The following HSD17B4 variants were observed in gnomAD, a reference collection of about 807,000 sequenced individuals.
The protein encoded by HSD17B4 is hydroxysteroid 17-beta dehydrogenase 4, also known as peroxisomal multifunctional enzyme type 2.
A neutral mutation model predicts 101.0 loss-of-function variants in HSD17B4; 70 were observed. That is an observed-to-expected ratio of 0.69 (90% confidence interval 0.57 to 0.85). HSD17B4 has a LOEUF of 0.85. HSD17B4 is among the 40% of genes least tolerant of loss of function. The pLI, the probability that HSD17B4 is intolerant of heterozygous loss-of-function variation, is 0.00. For synonymous variants in HSD17B4, 347 were observed against 297.1 expected (o/e 1.17, Z -1.73); for missense variants, 984 against 892.4 (o/e 1.10, Z -1.31).
intron 2 of HSD17B4, among the ~76,000 whole-genome samples, chr5:119,472,029 G>C (rs1362870316): frequency 6.6e-6 from 1 of 152,148 alleles, no homozygotes; most frequent in African/African-American, 2.4e-5. Flanking sequence ...TGGATATAGG[G>C]AGATGTTTTA....
At chr5:119,541,841 A>T (rs1755017416) in intron 23 of HSD17B4, 64 bp from the exon 24 acceptor site, 2 of 1,040,338 alleles carry the variant, frequency 1.9e-6, no homozygotes, top group Admixed American at 3.8e-5. Flanking sequence ...TCTTAAAAAA[A>T]AAAAAAAGAA....
rs754255447 is a variant in HSD17B4 at position 119,477,469 on chromosome 5, A to G, written c.402A>G (p.Ala134=). ...GTTCATTCCAAGTGACACGGGCAGC[A>G]TGGGAACACATGAAGAAACAGAAGT... ...LRGSFQVTRA[A]WEHMKKQKYG... is the part of the protein sequence containing the mutation. Residue 134 remains alanine, a synonymous_variant, in exon 7 of 24, where the codon GCA becomes GCG. Coordinates refer to ENST00000510025, the MANE Select transcript of HSD17B4 (RefSeq NM_000414.4). The G allele has an allele frequency of 1.9e-6, 3 of 1,613,010 alleles. No homozygotes were observed. Among genetic ancestry groups the G allele is most frequent in the South Asian group, 1.1e-5 (1 of 91,070 alleles).
chr5:119,530,103 A>G, intron 21 of HSD17B4, 123 bp downstream of exon 21: 1 of 715,080 alleles, frequency 1.4e-6, no homozygotes, highest in South Asian at 1.5e-5. Context: ...TAATTCTTGA[A>G]GTGAAAAACA....
rs777276125 is a variant in HSD17B4, at chr5:119,477,422, A to T, written c.355A>T (p.Ile119Phe). The T allele has an allele frequency of 1.2e-6, 2 of 1,603,570 alleles. No homozygotes were observed. Among genetic ancestry groups the T allele is most frequent in the South Asian group, 1.1e-5 (1 of 90,870 alleles). The change falls in exon 7 of 24, where the codon ATC becomes TTC. Residue 119 changes from isoleucine (I) to phenylalanine (F), a missense_variant. Ile to Phe is a conservative substitution (Grantham distance 21). Transcript: ENST00000510025. ...AAAATAATTTATTGTTTTAGATATAATCCACAGAGTTCATTTGCGGGGTTC... is the reference window on the plus strand; with the variant it reads ...AAAATAATTTATTGTTTTAGATATATTCCACAGAGTTCATTTGCGGGGTTC... The part of the protein sequence containing the change: ...ARISDEDWDI[I>F]HRVHLRGSFQ...
intron 23 of HSD17B4, among the ~76,000 whole-genome samples, chr5:119,538,876 T>G (rs1312672982): frequency 6.6e-6 from 1 of 152,204 alleles, no homozygotes; most frequent in Non-Finnish European, 1.5e-5. Flanking sequence ...CAGGCTTTAA[T>G]TATTTGTTTA....
chr5:119,502,911 T>C (rs1485893878), intron 14 of HSD17B4, among the ~76,000 whole-genome samples: 1 of 152,192 alleles, frequency 6.6e-6, no homozygotes, highest in African/African-American at 2.4e-5. Flanking sequence ...TTTGTGGTGA[T>C]TGTGCATTGA....
chr5:119,514,777 T>G (rs528140088), intron 16 of HSD17B4, among the ~76,000 whole-genome samples: 17 of 152,298 alleles, frequency 1.1e-4, no homozygotes, highest in Non-Finnish European at 2.1e-4. Flanking sequence ...AAAGGTCATT[T>G]CAGGCAAATC....
intron 2 of HSD17B4, among the ~76,000 whole-genome samples, chr5:119,460,139 T>C (rs1456500502): frequency 1.3e-5 from 2 of 150,838 alleles, no homozygotes; most frequent in African/African-American, 2.4e-5. Flanking sequence ...CCTCCCAAAG[T>C]GCAGGGATTA....
intron 2 of HSD17B4, among the ~76,000 whole-genome samples, chr5:119,463,710 C>T (rs957578351): frequency 8.8e-5 from 11 of 125,472 alleles, no homozygotes; most frequent in Non-Finnish European, 1.3e-4. Context: ...CTCCGTTGCC[C>T]AGGCTAGAGT....
intron 4 of HSD17B4, 125 bp from the exon 5 acceptor site, chr5:119,475,581 C>CT (rs1748503607): frequency 1.3e-6 from 1 of 756,988 alleles, no homozygotes; most frequent in East Asian, 2.6e-5. Context: ...TGAAAGCACT[C>CT]TTTACCTATT....
rs564365106 is a variant in HSD17B4, at chr5:119,460,815, T to C, written c.112+4447T>C. On this transcript the variant is annotated intron_variant, in intron 2 of 23. Transcript: ENST00000510025. Reference sequence around the variant, plus strand: ...GATGTAGGTGCTGTGGAGAAAAAAATGAGTGAATGGAACAGAAAATGCTTT... The same window carrying C: ...GATGTAGGTGCTGTGGAGAAAAAAACGAGTGAATGGAACAGAAAATGCTTT... 4.0e-5 allele frequency among the ~76,000 whole-genome samples: 6 copies of C among 150,518 alleles called. No homozygotes were observed. The East Asian group carries it at 1.2e-3, about 29-fold the overall frequency.
chr5:119,492,947 G>T (rs1326161172), intron 10 of HSD17B4: 1 of 152,102 alleles, frequency 6.6e-6, no homozygotes, highest in Non-Finnish European at 1.5e-5. Flanking sequence ...GGGCATTGCT[G>T]TAGTAGTATA....
chr5:119,483,322 T>G (rs955902217), intron 8 of HSD17B4, among the ~76,000 whole-genome samples: 1 of 152,156 alleles, frequency 6.6e-6, no homozygotes, highest in Non-Finnish European at 1.5e-5. Context: ...GTCTCCAGTT[T>G]TCCTGATGGT....
chr5:119,517,919 T>C (rs531710097), intron 17 of HSD17B4, among the ~76,000 whole-genome samples: 7 of 152,254 alleles, frequency 4.6e-5, no homozygotes, highest in African/African-American at 1.7e-4. Context: ...TTTGTGTTGA[T>C]ACTCTGTATC....
chr5:119,475,652 A>G, intron 4 of HSD17B4, 54 bp from the exon 5 acceptor site: 1 of 1,408,630 alleles, frequency 7.1e-7, no homozygotes, highest in South Asian at 1.2e-5. Flanking sequence ...TTGTAAGCAA[A>G]TGCAAACTAA....
chr5:119,471,236 C>G (rs1408413367), intron 2 of HSD17B4, among the ~76,000 whole-genome samples: 1 of 152,056 alleles, frequency 6.6e-6, no homozygotes, highest in Non-Finnish European at 1.5e-5. Context: ...AGAATTCAGT[C>G]TTTTGAGAAT....
At chr5:119,458,299 A>G (rs1032869669) in intron 2 of HSD17B4, among the ~76,000 whole-genome samples, 10 of 151,386 alleles carry the variant, frequency 6.6e-5, no homozygotes, top group Non-Finnish European at 1.5e-4. Context: ...GCCTTTTTAC[A>G]TGTACACCAT....
intron 2 of HSD17B4, among the ~76,000 whole-genome samples, chr5:119,469,301 C>CTT (rs112466766): frequency 1.4e-5 from 2 of 138,616 alleles, no homozygotes; most frequent in South Asian, 2.3e-4. Context: ...TTCCATGTTT[C>CTT]TTTTTTTTTT....
intron 1 of HSD17B4, among the ~76,000 whole-genome samples, chr5:119,454,491 A>G (rs557660671): frequency 6.6e-6 from 1 of 152,170 alleles, no homozygotes; most frequent in South Asian, 2.1e-4. Flanking sequence ...TGTTTTCAAG[A>G]GATGGAGTCT....
Sources: allele counts gnomAD v4.1 joint callset (sites outside exome capture counted in the v4.1 genomes callset), GRCh38; gene constraint gnomAD v4.1.1; transcripts MANE v1.5; gene names NCBI Gene and HGNC (gene_info 2026-07-23, HGNC 2026-07-21).